Variants in LIPK observed in about 807,000 individuals in gnomAD.
LIPK encodes lipase member K.
LIPK carries 32 observed loss-of-function variants against 48.6 expected under a neutral mutation model. The observed-to-expected ratio is 0.66, with a 90% confidence interval of 0.50 to 0.88. LIPK has a LOEUF of 0.88. LIPK is among the 40% of genes least tolerant of loss of function. The pLI, the probability that LIPK is intolerant of heterozygous loss-of-function variation, is 0.00. For missense variants in LIPK, 507 were observed against 478.5 expected (o/e 1.06, Z -0.56); for synonymous variants, 164 against 157.4 (o/e 1.04, Z -0.32).
chr10:88,728,381 G>A lies in LIPK; in HGVS notation c.223+1469G>A, dbSNP rs986145771. ...GGTGCTGCAGGCCTTGGCTGGGAAG[G>A]CTGAGAATGAGCTGTGTCGCAGGAA... On this transcript the variant is annotated intron_variant, in intron 3 of 9. Transcript: ENST00000404190. The A allele has an allele frequency of 3.2e-5, 6 of 189,594 alleles. No homozygotes were observed. The South Asian group carries it at 5.1e-4, about 16-fold the overall frequency. The allele number at this position is 189,594 out of a possible 1,614,324, so 11.7% of individuals were successfully genotyped here. A position where few individuals can be genotyped will look rare whatever the true frequency, so the allele number is the denominator to read the frequency against.
intron 3 of LIPK, chr10:88,727,859 T>C (rs1842376372): frequency 2.7e-6 from 1 of 372,382 alleles, no homozygotes; most frequent in Non-Finnish European, 5.2e-6. Flanking sequence ...CAAAGTGTGG[T>C]TCCTGGAGCA....
In LIPK at chr10:88,721,799, A is replaced by G. The variant is rs190695082; in HGVS notation, c.-11-2734A>G. On this transcript the variant is annotated intron_variant, in intron 1 of 9. Transcript: ENST00000404190. ...ACGCCAGCCACTCAGCAGAAATGAG[A>G]CCATGTTAACTGTCAAAGCCTTGAG... Among the ~76,000 whole-genome samples the G allele has an allele frequency of 3.3e-5, 5 of 152,322 alleles. No individual in the cohort carries two copies. The East Asian group carries it at 9.6e-4, about 29-fold the overall frequency.
At chr10:88,750,768 T>A (rs1002445464) in intron 9 of LIPK, among the ~76,000 whole-genome samples, 1 of 152,158 alleles carries the variant, frequency 6.6e-6, no homozygotes, top group Admixed American at 6.6e-5. Flanking sequence ...TTTACTTATG[T>A]GGCAAGCCTG....
intron 6 of LIPK, among the ~76,000 whole-genome samples, 153 bp downstream of exon 6, chr10:88,732,704 T>G (rs532009029): frequency 6.6e-6 from 1 of 152,368 alleles, no homozygotes; most frequent in South Asian, 2.1e-4. Flanking sequence ...TATGCAATCT[T>G]ATTAGCAGAG....
At chr10:88,745,037 T>C (rs919301553) in intron 9 of LIPK, among the ~76,000 whole-genome samples, 2 of 152,090 alleles carry the variant, frequency 1.3e-5, no homozygotes, top group Non-Finnish European at 2.9e-5. Context: ...ATCTCAGAGA[T>C]TGAAGACTGG....
At chr10:88,720,004 C>A (rs1161073703) in intron 1 of LIPK, among the ~76,000 whole-genome samples, 3 of 152,128 alleles carry the variant, frequency 2.0e-5, no homozygotes, top group Non-Finnish European at 4.4e-5. Context: ...TGCATCAAGG[C>A]AATATTCTCT....
chr10:88,735,203 T>A (rs1291159063), intron 6 of LIPK, among the ~76,000 whole-genome samples: 1 of 152,168 alleles, frequency 6.6e-6, no homozygotes, highest in East Asian at 1.9e-4. Flanking sequence ...ATGAGTAGAG[T>A]TCGTCAAGTT....
chr10:88,739,031 G>A (rs1842628894), intron 7 of LIPK, among the ~76,000 whole-genome samples: 1 of 152,126 alleles, frequency 6.6e-6, no homozygotes, highest in Non-Finnish European at 1.5e-5. Context: ...TGCTTACTTT[G>A]GTGGAAAATA....
rs565597514 is a variant in LIPK at position 88,720,040 on chromosome 10, T to G, written c.-11-4493T>G. ...TGAAAGTCTCATATTTCCTACTGAC[T>G]GCAGTAGCTAGAGGGGTTGGGGGCA... On this transcript the variant is annotated intron_variant, in intron 1 of 9. Coordinates refer to ENST00000404190, the MANE Select transcript of LIPK (RefSeq NM_001080518.2). Among the ~76,000 whole-genome samples the G allele has an allele frequency of 1.6e-3, 239 of 152,294 alleles. 1 individual carries two copies. Among genetic ancestry groups the G allele is most frequent in the Non-Finnish European group, 1.1e-3 (73 of 68,028 alleles).
intron 9 of LIPK, among the ~76,000 whole-genome samples, chr10:88,751,646 T>C (rs1052180175): frequency 2.0e-5 from 3 of 152,144 alleles, no homozygotes; most frequent in African/African-American, 4.8e-5. Flanking sequence ...CCCCAGCTGC[T>C]ATAGTTAGAT....
chr10:88,708,797 A>G (rs1386506980), intron 1 of LIPK, among the ~76,000 whole-genome samples: 1 of 152,046 alleles, frequency 6.6e-6, no homozygotes, highest in Non-Finnish European at 1.5e-5. Flanking sequence ...GATGTTTTAC[A>G]TATTCCTACA....
intron 1 of LIPK, among the ~76,000 whole-genome samples, chr10:88,723,981 A>G (rs1187245126): frequency 6.6e-6 from 1 of 152,158 alleles, no homozygotes; most frequent in Non-Finnish European, 1.5e-5. Flanking sequence ...GTCTTAAGAT[A>G]TATAATAAGA....
intron 2 of LIPK, among the ~76,000 whole-genome samples, chr10:88,725,098 A>C (rs1361994577): frequency 6.6e-6 from 1 of 152,248 alleles, no homozygotes; most frequent in Non-Finnish European, 1.5e-5. Flanking sequence ...AGTGTTAGGC[A>C]AAGAAAAAAA....
At chr10:88,728,508 G>T in intron 3 of LIPK, 1 of 264,550 alleles carries the variant, frequency 3.8e-6, no homozygotes, top group South Asian at 4.0e-5. Flanking sequence ...CCGCCATTAA[G>T]GACTCAACGC....
chr10:88,725,272 CCT>C (rs1213197806), intron 2 of LIPK, among the ~76,000 whole-genome samples: 1 of 152,092 alleles, frequency 6.6e-6, no homozygotes, highest in East Asian at 1.9e-4. Flanking sequence ...TCTTCTTGTT[CCT>C]CTCTCCAAAG....
chr10:88,744,523 G>A lies in LIPK; in HGVS notation c.960+1202G>A, dbSNP rs79199965. Reference sequence around the variant, plus strand: ...GCACCCAGCCCAGGAGTGCTGAGCTGAGCCCTGGTACCCTGAAGTCATCCA... The same window carrying A: ...GCACCCAGCCCAGGAGTGCTGAGCTAAGCCCTGGTACCCTGAAGTCATCCA... On this transcript the variant is annotated intron_variant, in intron 9 of 9. Coordinates refer to ENST00000404190, the MANE Select transcript of LIPK (RefSeq NM_001080518.2). Among the ~76,000 whole-genome samples, 1,410 of 152,288 alleles carry A rather than the reference G, an allele frequency of 9.3e-3. 6 individuals are homozygous for A. The highest frequency in any genetic ancestry group is 0.015 in the Non-Finnish European group (1,012 of 68,024).
chr10:88,731,326 C>A lies in LIPK; in HGVS notation c.422+145C>A, dbSNP rs1213238538. On this transcript the variant is annotated intron_variant, in intron 4 of 9. Coordinates refer to ENST00000404190, the MANE Select transcript of LIPK (RefSeq NM_001080518.2). Reference sequence around the variant, plus strand: ...ACAAACCTTTCTTTCTCTACCCAAACTTTCTTCACAGGCTCTAAAGAACTG... The same window carrying A: ...ACAAACCTTTCTTTCTCTACCCAAAATTTCTTCACAGGCTCTAAAGAACTG... 4.4e-6 allele frequency: 3 copies of A among 681,152 alleles called. No individual in the cohort carries two copies. In the East Asian group the frequency reaches 9.4e-5, roughly 21 times the overall value. 42.2% of individuals were successfully genotyped at this position (681,152 alleles called of 1,614,324 possible).
intron 1 of LIPK, among the ~76,000 whole-genome samples, chr10:88,717,815 A>T (rs893755306): frequency 6.6e-6 from 1 of 152,120 alleles, no homozygotes; most frequent in Non-Finnish European, 1.5e-5. Flanking sequence ...AATTGCTCAA[A>T]CATAGCTTAT....
intron 9 of LIPK, among the ~76,000 whole-genome samples, chr10:88,749,469 A>G (rs1454339055): frequency 6.6e-6 from 1 of 152,188 alleles, no homozygotes; most frequent in African/African-American, 2.4e-5. Context: ...AACACCTGCA[A>G]TCATTTGATC....
Sources: allele counts gnomAD v4.1 joint callset (sites outside exome capture counted in the v4.1 genomes callset), GRCh38; gene constraint gnomAD v4.1.1; transcripts MANE v1.5; gene names NCBI Gene and HGNC (gene_info 2026-07-23, HGNC 2026-07-21).